The following ZFP64 variants were observed in gnomAD, a reference collection of about 807,000 sequenced individuals.
ZFP64 encodes the protein zinc finger protein 64.
ZFP64 carries 14 observed loss-of-function variants against 51.6 expected under a neutral mutation model. That is an observed-to-expected ratio of 0.27 (90% CI 0.18 to 0.42). The LOEUF (loss-of-function observed/expected upper bound fraction) is 0.42. Among genes scored for constraint, ZFP64 ranks in the 10% least tolerant of loss-of-function variants. The pLI is 1.00. For missense variants in ZFP64, 754 were observed against 906.8 expected, an observed-to-expected ratio of 0.83 and a Z score of 2.16; for synonymous variants, 375 against 361.4, an observed-to-expected ratio of 1.04 and a Z score of -0.43.
chr20:52,191,760 G>C lies in ZFP64; in HGVS notation c.-124C>G, dbSNP rs1984396110. 3 of 1,211,044 alleles carry C rather than the reference G, an allele frequency of 2.5e-6. No homozygotes were observed. The highest frequency in any genetic ancestry group is 3.8e-5 in the South Asian group (2 of 52,346). The allele number at this position is 1,211,044 out of a possible 1,614,324, so 75.0% of individuals were successfully genotyped here. ...CCACCCTGCCTTCTCCCAACTCTGCGAGGCGGGGAGGACGGATGTAAAGCA... is the reference window on the plus strand; with the variant it reads ...CCACCCTGCCTTCTCCCAACTCTGCCAGGCGGGGAGGACGGATGTAAAGCA... On this transcript the variant is annotated 5_prime_UTR_variant, in exon 1 of 6. Coordinates refer to ENST00000216923, the MANE Select transcript of ZFP64 (RefSeq NM_018197.3). This position sits in a 1 kb window ranked among gnomAD's most constrained non-coding sequence, Gnocchi z 4.3.
At chr20:52,154,568 C>T (rs1480270278) in intron 5 of ZFP64, among the ~76,000 whole-genome samples, 1 of 152,126 alleles carries the variant, frequency 6.6e-6, no homozygotes, top group African/African-American at 2.4e-5. Context: ...GGATCTGCTA[C>T]TTCACCATGA....
At chr20:52,145,136 C>G (rs1437790309) in intron 5 of ZFP64, among the ~76,000 whole-genome samples, 2 of 152,228 alleles carry the variant, frequency 1.3e-5, no homozygotes, top group East Asian at 3.9e-4. Context: ...GCATAAGAAA[C>G]AAGCAAAAAT....
chr20:52,143,788 G>A lies in ZFP64; in HGVS notation c.763+16335C>T, dbSNP rs1264226703. On this transcript the variant is annotated intron_variant, in intron 5 of 8. Coordinates refer to the ZFP64 transcript ENST00000361387. The stretch of plus-strand genomic sequence containing the variant: ...TGGTCTGGAATCCTTGGGCTCATGT[G>A]ATCCTTTTGCCTTGGCCTCCCAAAG... Among the ~76,000 whole-genome samples, 2 of 142,432 alleles carry A rather than the reference G, an allele frequency of 1.4e-5. 1 individual carries two copies. Among genetic ancestry groups the A allele is most frequent in the Non-Finnish European group, 3.1e-5 (2 of 64,122 alleles). The allele number at this position is 142,432 out of a possible 152,430, so 93.4% of individuals were successfully genotyped here. A position where few individuals can be genotyped will look rare whatever the true frequency, so the allele number is the denominator to read the frequency against.
At chr20:52,108,867 C>A (rs1978396420) in intron 5 of ZFP64, among the ~76,000 whole-genome samples, 1 of 141,864 alleles carries the variant, frequency 7.0e-6, no homozygotes, top group East Asian at 2.0e-4. Context: ...CTGAAACACA[C>A]ACACACACAC....
At chr20:52,146,480 C>CA (rs1335699296), downstream of ZFP64, among the ~76,000 whole-genome samples, 3 of 148,692 alleles carry the variant, frequency 2.0e-5, no homozygotes, top group East Asian at 2.0e-4. Context: ...ATCGCAAGGA[C>CA]AAAAAACCAA....
At chr20:52,095,353 G>A (rs2078977165) in intron 7 of ZFP64, among the ~76,000 whole-genome samples, 1 of 152,156 alleles carries the variant, frequency 6.6e-6, no homozygotes, top group Non-Finnish European at 1.5e-5. Flanking sequence ...CTGCACCCTT[G>A]GGATGACAAC....
exon 9 of ZFP64, chr20:52,084,949 C>T (rs758298672): frequency 2.5e-6 from 4 of 1,613,870 alleles, no homozygotes; most frequent in Non-Finnish European, 3.4e-6. Flanking sequence ...TTACAGTGGA[C>T]TCTGCTGTGC....
At chr20:52,134,965 C>T (rs1017509837) in intron 5 of ZFP64, among the ~76,000 whole-genome samples, 6 of 151,974 alleles carry the variant, frequency 3.9e-5, no homozygotes, top group Admixed American at 6.6e-5. Context: ...TGGGCTCAAG[C>T]GATCCTCCCA....
chr20:52,143,907 G>T (rs1004234032), intron 5 of ZFP64, among the ~76,000 whole-genome samples: 1 of 142,722 alleles, frequency 7.0e-6, no homozygotes, highest in African/African-American at 2.5e-5. Context: ...TCATCCACAG[G>T]ACTGCAAACA....
chr20:52,168,240 G>C (rs539452676), intron 2 of ZFP64, among the ~76,000 whole-genome samples: 1 of 152,312 alleles, frequency 6.6e-6, no homozygotes, highest in South Asian at 2.1e-4. Context: ...GGGAAGTCAA[G>C]GGCTTTGGTT....
intron 5 of ZFP64, among the ~76,000 whole-genome samples, chr20:52,120,667 C>CTTT (rs11469627): frequency 2.6e-4 from 15 of 57,436 alleles, no homozygotes; most frequent in African/African-American, 3.8e-4. Context: ...GATCAGTGAT[C>CTTT]TTTTTTTTTT....
intron 2 of ZFP64, among the ~76,000 whole-genome samples, chr20:52,185,027 T>C (rs1983861609): frequency 6.6e-6 from 1 of 152,088 alleles, no homozygotes. Flanking sequence ...TGAAGTTTTT[T>C]ATTTTTATTT....
intron 2 of ZFP64, among the ~76,000 whole-genome samples, chr20:52,166,977 T>C (rs945299366): frequency 1.4e-5 from 2 of 148,100 alleles, no homozygotes; most frequent in African/African-American, 2.5e-5. Flanking sequence ...GTACTCTTAC[T>C]GAGGTTCTGA....
chr20:52,150,295 A>AT (rs1271829805), downstream of ZFP64, among the ~76,000 whole-genome samples: 1 of 151,646 alleles, frequency 6.6e-6, no homozygotes, highest in Non-Finnish European at 1.5e-5. Context: ...AGTAACTTCT[A>AT]TTTTTTTCCT....
In ZFP64 at chr20:52,151,542, T is replaced by C. The variant is rs530208514; in HGVS notation, c.*604A>G. On this transcript the variant is annotated 3_prime_UTR_variant, in exon 6 of 6. Coordinates refer to ENST00000216923, the MANE Select transcript of ZFP64 (RefSeq NM_018197.3). ...CCTTTATTAGAGTTGGAAAATCAAG[T>C]TGGAAACAAACACATGAATTCACTA... is the stretch of plus-strand genomic sequence containing the variant. 3 of 985,580 alleles carry C rather than the reference T, an allele frequency of 3.0e-6. No individual in the cohort carries two copies. Among genetic ancestry groups the C allele is most frequent in the East Asian group, 2.3e-4 (2 of 8,806 alleles). 61.1% of individuals were successfully genotyped at this position (985,580 alleles called of 1,614,324 possible).
intron 2 of ZFP64, among the ~76,000 whole-genome samples, chr20:52,185,319 T>C (rs1983882655): frequency 6.6e-6 from 1 of 151,532 alleles, no homozygotes; most frequent in African/African-American, 2.4e-5. Context: ...CCACCGTGCC[T>C]GGCCTGTTCA....
intron 2 of ZFP64, among the ~76,000 whole-genome samples, chr20:52,170,113 G>T (rs1242311046): frequency 4.0e-5 from 6 of 151,822 alleles, no homozygotes; most frequent in African/African-American, 1.2e-4. Flanking sequence ...CCTGTGCTTT[G>T]GTGTCTTGGA....
intron 5 of ZFP64, among the ~76,000 whole-genome samples, chr20:52,104,034 G>T (rs528805146): frequency 6.6e-6 from 1 of 152,310 alleles, no homozygotes; most frequent in Admixed American, 6.5e-5. Context: ...TCCTTTCCGC[G>T]CCCGGAAAGA....
In ZFP64 at chr20:52,126,502, C is replaced by T. The variant is rs182958740; in HGVS notation, c.764-27915G>A. Among the ~76,000 whole-genome samples, 7 of 152,230 alleles carry T rather than the reference C, an allele frequency of 4.6e-5. No individual in the cohort carries two copies. In the East Asian group the frequency reaches 1.2e-3, roughly 25 times the overall value. On this transcript the variant is annotated intron_variant, in intron 5 of 8. Transcript: ENST00000361387. ...TGCCTGCTTAAAGGTAATCTGGGTG[C>T]GTCTATGCTTTCTACACCAGACTAG...
Sources: gnomAD v4.1 joint callset for allele counts (sites outside exome capture counted in the v4.1 genomes callset) on GRCh38, gnomAD v4.1.1 for gene constraint, Gnocchi (gnomAD v3.1) non-coding constraint, MANE v1.5 for transcripts, NCBI Gene and HGNC (gene_info 2026-07-23, HGNC 2026-07-21) for gene names.